The following EPHB2 variants were observed in gnomAD, a reference collection of about 807,000 sequenced individuals.
The protein encoded by EPHB2 is EPH receptor B2.
In EPHB2, 18 loss-of-function variants were observed where a neutral mutation model predicts 96.4. That is an observed-to-expected ratio of 0.19 (90% CI 0.13 to 0.28). EPHB2 has a LOEUF of 0.28. Ranked by LOEUF, EPHB2 falls within the 10% of genes least tolerant of loss-of-function variation. The pLI is 1.00. For missense variants in EPHB2, 989 were observed against 1,355.4 expected (o/e 0.73, Z 4.25); for synonymous variants, 506 against 534.1 (o/e 0.95, Z 0.72).
intron 5 of EPHB2, among the ~76,000 whole-genome samples, chr1:22,868,102 A>G (rs527809574): frequency 1.3e-5 from 2 of 152,278 alleles, no homozygotes; most frequent in East Asian, 3.9e-4. Flanking sequence ...GGAGCTCTGC[A>G]GGTGGAACTG....
chr1:22,831,620 TC>T (rs1645305061), intron 3 of EPHB2, among the ~76,000 whole-genome samples: 1 of 151,942 alleles, frequency 6.6e-6, no homozygotes, highest in East Asian at 1.9e-4. Flanking sequence ...TCCAGGGCTT[TC>T]CAAATTCAGA....
At chr1:22,737,366 C>T (rs956852057) in intron 1 of EPHB2, among the ~76,000 whole-genome samples, 2 of 152,324 alleles carry the variant, frequency 1.3e-5, no homozygotes, top group East Asian at 3.9e-4. Context: ...TGCTCGTTGA[C>T]CTGGCCCCTG....
chr1:22,847,754 T>A (rs1377614426), intron 3 of EPHB2, among the ~76,000 whole-genome samples: 1 of 148,444 alleles, frequency 6.7e-6, no homozygotes, highest in Non-Finnish European at 1.5e-5. Context: ...TGTGACATAA[T>A]CCCAGATCAA....
intron 1 of EPHB2, among the ~76,000 whole-genome samples, chr1:22,739,217 T>C (rs561579224): frequency 2.7e-5 from 4 of 150,554 alleles, no homozygotes; most frequent in African/African-American, 5.0e-5. Flanking sequence ...ATTCTTTTTG[T>C]TTTTTTTCTT....
intron 1 of EPHB2, among the ~76,000 whole-genome samples, chr1:22,742,472 ACTTCCTTC>A (rs769267941): frequency 6.6e-6 from 1 of 151,692 alleles, no homozygotes; most frequent in East Asian, 1.9e-4. Context: ...TTCCAGCCAG[ACTTCCTTC>A]CTTCCTTCCT....
At chr1:22,893,106 G>A in intron 7 of EPHB2, 60 bp downstream of exon 7, 10 of 1,612,690 alleles carry the variant, frequency 6.2e-6, no homozygotes, top group Non-Finnish European at 8.5e-6. Flanking sequence ...ACAAACTCAA[G>A]GGTCACCATT....
At chr1:22,740,432 C>T (rs549965412) in intron 1 of EPHB2, among the ~76,000 whole-genome samples, 2 of 152,306 alleles carry the variant, frequency 1.3e-5, no homozygotes, top group East Asian at 3.9e-4. Context: ...TCATTGTGCC[C>T]TCACAATCCT....
At position 22,734,085 on chromosome 1, in the gene EPHB2, C is replaced by T. The variant is rs554997814; in HGVS notation, c.61+23042C>T. Among the ~76,000 whole-genome samples, 328 of 152,338 alleles carry T rather than the reference C, an allele frequency of 2.2e-3. 12 individuals carry two copies. Among genetic ancestry groups the T allele is most frequent in the Admixed American group, 0.021 (324 of 15,302 alleles). Reference sequence around the variant, plus strand: ...TCAAGGACAGAGCTCTGCCCTGGGCCTCCCACCCAGGGCCAGCCTGGGCTT... The same window carrying T: ...TCAAGGACAGAGCTCTGCCCTGGGCTTCCCACCCAGGGCCAGCCTGGGCTT... On this transcript the variant is annotated intron_variant, in intron 1 of 15. Transcript: ENST00000374630.
intron 1 of EPHB2, among the ~76,000 whole-genome samples, chr1:22,723,392 G>A (rs1351755145): frequency 1.3e-5 from 2 of 152,230 alleles, no homozygotes; most frequent in Non-Finnish European, 1.5e-5. Context: ...AGCGTCAGCT[G>A]TCACTCCCCA....
chr1:22,783,899 G>A (rs144565136), intron 2 of EPHB2, among the ~76,000 whole-genome samples: 87 of 152,222 alleles, frequency 5.7e-4, no homozygotes, highest in African/African-American at 1.9e-3. Flanking sequence ...CATCCTAGGC[G>A]TTCATTGAGG....
Position 22,872,540 on chromosome 1 carries a change from C to T in EPHB2, c.1303+7328C>T, listed in dbSNP as rs541855550. ...CAGAAGTTAAACCTACATCAAATTA[C>T]AACTCAGCAGTGTTGGTAGAGGCCT... On this transcript the variant is annotated intron_variant, in intron 5 of 15. Coordinates refer to ENST00000374630, the MANE Select transcript of EPHB2 (RefSeq NM_017449.5). 2.0e-5 allele frequency among the ~76,000 whole-genome samples: 3 copies of T among 152,302 alleles called. No individual in the cohort carries two copies. In the South Asian group the frequency reaches 6.2e-4, roughly 32 times the overall value.
At chr1:22,767,773 C>T (rs754517757) in intron 1 of EPHB2, among the ~76,000 whole-genome samples, 2 of 152,200 alleles carry the variant, frequency 1.3e-5, no homozygotes, top group Non-Finnish European at 2.9e-5. Context: ...TCAAGGGCCC[C>T]ACCAGCCCCC....
At chr1:22,843,348 T>A (rs994365735) in intron 3 of EPHB2, among the ~76,000 whole-genome samples, 1 of 152,234 alleles carries the variant, frequency 6.6e-6, no homozygotes, top group African/African-American at 2.4e-5. Flanking sequence ...TGTGTTTTTT[T>A]TCTCCTAACT....
chr1:22,891,088 C>G (rs1639375230), intron 6 of EPHB2: 1 of 455,862 alleles, frequency 2.2e-6, no homozygotes, highest in Non-Finnish European at 4.4e-6. Flanking sequence ...ATTATCTGAA[C>G]AAACTCTGAG....
chr1:22,908,065 G>A lies in EPHB2; in HGVS notation c.2249G>A (p.Arg750His), dbSNP rs1325727933. 1.9e-6 allele frequency: 3 copies of A among 1,614,124 alleles called. No individual in the cohort carries two copies. Among genetic ancestry groups the A allele is most frequent in the South Asian group, 1.1e-5 (1 of 91,090 alleles). The change falls in exon 12 of 16, where the codon CGC becomes CAC. Residue 750 changes from arginine (R) to histidine (H), a missense_variant. By Grantham distance (29) the Arg-to-His change is conservative. Transcript: ENST00000374630. ...TATGTTCACCGTGACCTGGCTGCCC[G>A]CAACATCCTCGTCAACAGCAACCTG... ...MNYVHRDLAA[R>H]NILVNSNLVC...
intron 7 of EPHB2, 34 bp from the exon 8 acceptor site, chr1:22,895,438 A>G (rs761908178): frequency 6.2e-7 from 1 of 1,605,982 alleles, no homozygotes; most frequent in East Asian, 2.2e-5. Context: ...TCCCACAGCC[A>G]GGCTGAGAAT....
chr1:22,868,999 G>A lies in EPHB2; in HGVS notation c.1303+3787G>A, dbSNP rs536732271. ...TATGCATTGTTAACAAGTGAGTCAG[G>A]TGTTTCTTACCATCGGACAAATTTG... On this transcript the variant is annotated intron_variant, in intron 5 of 15. Transcript: ENST00000374630. Among the ~76,000 whole-genome samples, 28 of 152,290 alleles carry A rather than the reference G, an allele frequency of 1.8e-4. No homozygotes were observed. In the Middle Eastern group the frequency reaches 0.01, roughly 55 times the overall value.
chr1:22,885,779 G>A lies in EPHB2; in HGVS notation c.1428+3296G>A, dbSNP rs2148556473. 2.0e-5 allele frequency among the ~76,000 whole-genome samples: 3 copies of A among 152,314 alleles called. 1 individual carries two copies. The Middle Eastern group carries it at 0.01, about 518-fold the overall frequency. Reference sequence around the variant, plus strand: ...AACGTTTAGGCATAAATGGTGAGGGGGGTCAGGTGGTAAGAGGCTGAAGGT... The same window carrying A: ...AACGTTTAGGCATAAATGGTGAGGGAGGTCAGGTGGTAAGAGGCTGAAGGT... On this transcript the variant is annotated intron_variant, in intron 6 of 15. Transcript: ENST00000374630.
intron 12 of EPHB2, among the ~76,000 whole-genome samples, chr1:22,908,647 A>C (rs1002048101): frequency 6.6e-6 from 1 of 152,176 alleles, no homozygotes; most frequent in African/African-American, 2.4e-5. Flanking sequence ...GTTTAAACTG[A>C]AAGGACAAAG....
Sources: gnomAD v4.1 joint callset for allele counts (sites outside exome capture counted in the v4.1 genomes callset) on GRCh38, gnomAD v4.1.1 for gene constraint, MANE v1.5 for transcripts, NCBI Gene and HGNC (gene_info 2026-07-23, HGNC 2026-07-21) for gene names.